Variants in ATF2 observed in about 807,000 individuals in gnomAD.
The protein encoded by ATF2 is activating transcription factor 2.
In ATF2, 24 loss-of-function variants were observed where a neutral mutation model predicts 60.6. That is an observed-to-expected ratio of 0.40 (90% CI 0.29 to 0.56). The LOEUF is 0.56. Ranked by LOEUF, ATF2 falls within the 20% of genes least tolerant of loss-of-function variation. ATF2 has a pLI of 0.54. For synonymous variants in ATF2, 206 were observed against 215.4 expected, an observed-to-expected ratio of 0.96 and a Z score of 0.38; for missense variants, 433 against 607.7, an observed-to-expected ratio of 0.71 and a Z score of 3.02.
chr2:175,076,782 A>T (rs574586154), intron 13 of ATF2, among the ~76,000 whole-genome samples: 24 of 151,120 alleles, frequency 1.6e-4, no homozygotes, highest in African/African-American at 2.9e-4. Flanking sequence ...GATTTTTAAA[A>T]TTTTTTTATT....
rs1290754393 is a variant in ATF2 at position 175,072,642 on chromosome 2, A to G, written c.*1967T>C. ...GAGTGAAAAATTGAGGCTTTTCCTAACCCATTCAAACTACAATAAAAAATA... is the reference window on the plus strand; with the variant it reads ...GAGTGAAAAATTGAGGCTTTTCCTAGCCCATTCAAACTACAATAAAAAATA... On this transcript the variant is annotated 3_prime_UTR_variant, in exon 14 of 14. Transcript: ENST00000264110. The G allele has an allele frequency of 1.3e-5, 2 of 152,156 alleles. No individual in the cohort carries two copies. Among genetic ancestry groups the G allele is most frequent in the Non-Finnish European group, 2.9e-5 (2 of 68,000 alleles). The allele number at this position is 152,156 out of a possible 1,614,324, so 9.4% of individuals were successfully genotyped here.
chr2:175,116,144 G>T lies in ATF2; in HGVS notation c.448-1276C>A, dbSNP rs140267400. Among the ~76,000 whole-genome samples, 48 of 152,198 alleles carry T rather than the reference G, an allele frequency of 3.2e-4. 1 individual carries two copies. Among genetic ancestry groups the T allele is most frequent in the African/African-American group, 1.1e-3 (46 of 41,570 alleles). On this transcript the variant is annotated intron_variant, in intron 7 of 13. Coordinates refer to ENST00000264110, the MANE Select transcript of ATF2 (RefSeq NM_001880.4). ...GTAGACCATTGAAAGATTTTAAGCA[G>T]GTGACATATTTAATGTATTAAAAGT... is the stretch of plus-strand genomic sequence containing the variant.
At chr2:175,164,732 C>T (rs549093713) in intron 1 of ATF2, among the ~76,000 whole-genome samples, 8 of 152,260 alleles carry the variant, frequency 5.3e-5, no homozygotes, top group South Asian at 2.1e-4. Flanking sequence ...AACATTAAAA[C>T]TTACATAAAG....
intron 1 of ATF2, among the ~76,000 whole-genome samples, chr2:175,166,970 C>T (rs1559135399): frequency 6.6e-6 from 1 of 152,164 alleles, no homozygotes; most frequent in Non-Finnish European, 1.5e-5. Context: ...TAAAGAAATG[C>T]TTTACATCAC....
chr2:175,107,538 C>T (rs576853971), intron 10 of ATF2, among the ~76,000 whole-genome samples: 6 of 142,350 alleles, frequency 4.2e-5, no homozygotes, highest in African/African-American at 1.5e-4. Flanking sequence ...TCTCCCTCTC[C>T]CTCTCCCCAC....
chr2:175,095,483 T>C (rs1040349168), intron 11 of ATF2, among the ~76,000 whole-genome samples: 1 of 152,230 alleles, frequency 6.6e-6, no homozygotes, highest in African/African-American at 2.4e-5. Flanking sequence ...TTTAACTCAT[T>C]ATAGCAAAGA....
intron 4 of ATF2, among the ~76,000 whole-genome samples, chr2:175,122,211 C>G (rs1034197799): frequency 6.6e-6 from 1 of 151,860 alleles, no homozygotes; most frequent in African/African-American, 2.4e-5. Flanking sequence ...TTAAAGTTAT[C>G]CATCATATTT....
At chr2:175,159,978 A>G (rs1327856885) in intron 1 of ATF2, among the ~76,000 whole-genome samples, 1 of 152,216 alleles carries the variant, frequency 6.6e-6, no homozygotes, top group African/African-American at 2.4e-5. Context: ...TGTAAAAGCA[A>G]AAAGAAAATA....
intron 10 of ATF2, among the ~76,000 whole-genome samples, chr2:175,100,175 G>C (rs978202992): frequency 2.6e-5 from 4 of 152,168 alleles, no homozygotes; most frequent in Admixed American, 1.3e-4. Flanking sequence ...ACAAATCATT[G>C]ATCTTTGAGT....
At chr2:175,078,821 T>A (rs1225167124) in intron 13 of ATF2, among the ~76,000 whole-genome samples, 1 of 152,112 alleles carries the variant, frequency 6.6e-6, no homozygotes, top group African/African-American at 2.4e-5. Context: ...AACAGAGAAG[T>A]CAGACTTATT....
chr2:175,141,024 A>C (rs59777892), intron 2 of ATF2, among the ~76,000 whole-genome samples: 1 of 103,510 alleles, frequency 9.7e-6, no homozygotes, highest in African/African-American at 4.6e-5. Flanking sequence ...AAAAAAAAAA[A>C]AAAAAAATAT....
chr2:175,139,196 T>C (rs1698334743), intron 2 of ATF2, among the ~76,000 whole-genome samples: 1 of 152,234 alleles, frequency 6.6e-6, no homozygotes, highest in Non-Finnish European at 1.5e-5. Flanking sequence ...CACAGTATCT[T>C]ACTTGCTAAC....
chr2:175,131,367 C>T (rs899342496), intron 3 of ATF2, among the ~76,000 whole-genome samples: 1 of 152,112 alleles, frequency 6.6e-6, no homozygotes, highest in South Asian at 2.1e-4. Flanking sequence ...CTTCTTACAT[C>T]CATCAGAGAA....
intron 7 of ATF2, among the ~76,000 whole-genome samples, chr2:175,115,525 T>C (rs943919452): frequency 3.3e-5 from 5 of 152,174 alleles, no homozygotes; most frequent in Admixed American, 6.5e-5. Context: ...TTACAAATTA[T>C]AGAACAAAAA....
chr2:175,081,982 C>A (rs1255609113), intron 12 of ATF2, among the ~76,000 whole-genome samples: 1 of 152,150 alleles, frequency 6.6e-6, no homozygotes, highest in Non-Finnish European at 1.5e-5. Flanking sequence ...TGCTTGAACC[C>A]AGGAAGCAGA....
Position 175,074,529 on chromosome 2 carries a change from T to C in ATF2, c.*80A>G. On this transcript the variant is annotated 3_prime_UTR_variant, in exon 14 of 14. Coordinates refer to ENST00000264110, the MANE Select transcript of ATF2 (RefSeq NM_001880.4). ...AAAATTTACAACCACAGATTTCGCA[T>C]AAATGGAAACTGGTCTTTCCTTGAT... 6.9e-7 allele frequency: 1 copy of C among 1,458,264 alleles called. No individual in the cohort carries two copies. Among genetic ancestry groups the C allele is most frequent in the Non-Finnish European group, 9.1e-7 (1 of 1,093,848 alleles). 90.3% of individuals were successfully genotyped at this position (1,458,264 alleles called of 1,614,324 possible).
In ATF2 at chr2:175,074,775, G is replaced by C; in HGVS notation, c.1352C>G (p.Ala451Gly). The change falls in exon 14 of 14, where the codon GCT (alanine) becomes GGT (glycine). Residue 451 changes from alanine (A) to glycine (G), a missense_variant. This residue lies in a region of ATF2 where 114 missense variants were observed against 104.0 expected (regional missense o/e 1.10). Coordinates refer to ENST00000264110, the MANE Select transcript of ATF2 (RefSeq NM_001880.4). ...ISVPSSPHTE[A>G]IQHSSVSTSN... ...TGTGCTGACCGAACTATGCTGTATA[G>C]CTTCTGTATGTGGACTACTCGGCAC... 6.2e-7 allele frequency: 1 copy of C among 1,613,564 alleles called. No homozygotes were observed. Among genetic ancestry groups the C allele is most frequent in the Non-Finnish European group, 8.5e-7 (1 of 1,179,694 alleles).
chr2:175,133,088 C>CA (rs796108304), intron 3 of ATF2, among the ~76,000 whole-genome samples: 1,853 of 123,790 alleles, frequency 0.015, 15 homozygotes, highest in Non-Finnish European at 0.021. Context: ...GACTCTGTCT[C>CA]AAAAAAAAAA....
intron 3 of ATF2, among the ~76,000 whole-genome samples, chr2:175,130,908 G>A (rs1017632429): frequency 1.5e-4 from 23 of 152,150 alleles, no homozygotes; most frequent in African/African-American, 5.1e-4. Context: ...AGGATCATAA[G>A]TTAATCTTCT....
Sources: gnomAD v4.1 joint callset for allele counts (sites outside exome capture counted in the v4.1 genomes callset) on GRCh38, gnomAD v4.1.1 for gene constraint, gnomAD v4.1.1 regional missense constraint, MANE v1.5 for transcripts, NCBI Gene and HGNC (gene_info 2026-07-23, HGNC 2026-07-21) for gene names.